Variants in ST6GALNAC3 observed in about 807,000 individuals in gnomAD.
ST6GALNAC3 encodes alpha-N-acetylgalactosaminide alpha-2,6-sialyltransferase 3.
In ST6GALNAC3, 25 loss-of-function variants were observed where a neutral mutation model predicts 32.7. The ratio of observed to expected loss-of-function variants is 0.76; its 90% CI spans 0.56 to 1.07. The LOEUF (loss-of-function observed/expected upper bound fraction) is 1.07. ST6GALNAC3 is among the 50% of genes least tolerant of loss of function. The pLI, the probability that ST6GALNAC3 is intolerant of heterozygous loss-of-function variation, is 0.00. For missense variants in ST6GALNAC3, 355 were observed against 382.4 expected, an observed-to-expected ratio of 0.93 and a Z score of 0.60; for synonymous variants, 129 against 133.1, an observed-to-expected ratio of 0.97 and a Z score of 0.21.
intron 3 of ST6GALNAC3, among the ~76,000 whole-genome samples, chr1:76,601,464 G>C (rs967045894): frequency 3.3e-5 from 5 of 151,968 alleles, no homozygotes; most frequent in African/African-American, 1.2e-4. Flanking sequence ...CATTAGCTCC[G>C]GAAGTAAAGG....
intron 2 of ST6GALNAC3, among the ~76,000 whole-genome samples, chr1:76,358,850 C>G (rs1649702594): frequency 2.0e-5 from 3 of 152,166 alleles, no homozygotes; most frequent in African/African-American, 7.2e-5. Context: ...AGAGGACAAA[C>G]TGCGTCTTCT....
At chr1:76,111,396 C>A (rs897335907) in intron 1 of ST6GALNAC3, among the ~76,000 whole-genome samples, 1 of 151,908 alleles carries the variant, frequency 6.6e-6, no homozygotes, top group South Asian at 2.1e-4. Context: ...CTAGATCTTC[C>A]AGGGCTGGTC....
At chr1:76,591,652 G>T (rs898022311) in intron 3 of ST6GALNAC3, among the ~76,000 whole-genome samples, 2 of 152,190 alleles carry the variant, frequency 1.3e-5, no homozygotes, top group Non-Finnish European at 2.9e-5. Flanking sequence ...GAGGGAAAGA[G>T]ATAAGAAGAC....
chr1:76,123,273 G>A (rs180700858), intron 1 of ST6GALNAC3, among the ~76,000 whole-genome samples: 2 of 152,036 alleles, frequency 1.3e-5, no homozygotes, highest in Non-Finnish European at 2.9e-5. Flanking sequence ...CAGCTACTCG[G>A]GAGGCTGAGA....
intron 3 of ST6GALNAC3, among the ~76,000 whole-genome samples, chr1:76,554,423 C>T (rs984528): frequency 0.26 from 39,980 of 151,994 alleles, 5,813 homozygotes; most frequent in African/African-American, 0.39. Context: ...AAAAAAACCC[C>T]TCAACCTGAA....
intron 3 of ST6GALNAC3, among the ~76,000 whole-genome samples, chr1:76,416,267 T>G (rs1017019318): frequency 2.0e-5 from 3 of 152,172 alleles, no homozygotes; most frequent in Non-Finnish European, 4.4e-5. Context: ...TTAAGTGGTA[T>G]ACATCACTGA....
intron 3 of ST6GALNAC3, among the ~76,000 whole-genome samples, chr1:76,579,872 C>T (rs1646867989): frequency 6.6e-6 from 1 of 151,996 alleles, no homozygotes; most frequent in South Asian, 2.1e-4. Flanking sequence ...ACACTATATG[C>T]TTTATCTCTT....
chr1:76,261,010 A>G (rs1256818780), intron 1 of ST6GALNAC3, among the ~76,000 whole-genome samples: 3 of 149,494 alleles, frequency 2.0e-5, no homozygotes, highest in South Asian at 4.2e-4. Flanking sequence ...ACACACACAC[A>G]CGCTGTGAAA....
chr1:76,636,870 A>G (rs557579087), downstream of ST6GALNAC3: 1 of 152,354 alleles, frequency 6.6e-6, no homozygotes, highest in South Asian at 2.1e-4. Flanking sequence ...GAATCTGCCA[A>G]TGTTTACCTT....
chr1:76,417,792 G>A (rs1654748291), intron 3 of ST6GALNAC3, among the ~76,000 whole-genome samples: 2 of 152,116 alleles, frequency 1.3e-5, no homozygotes, highest in African/African-American at 4.8e-5. Flanking sequence ...GCCCTAAATA[G>A]GTCTTAATTA....
chr1:76,203,176 T>C (rs1654628451), intron 1 of ST6GALNAC3, among the ~76,000 whole-genome samples: 1 of 152,116 alleles, frequency 6.6e-6, no homozygotes. Context: ...CTGGAGCATT[T>C]TAGAAAACTC....
At chr1:76,100,813 T>A (rs990580054) in intron 1 of ST6GALNAC3, among the ~76,000 whole-genome samples, 1 of 149,326 alleles carries the variant, frequency 6.7e-6, no homozygotes, top group Non-Finnish European at 1.5e-5. Flanking sequence ...TTTTTTTTTT[T>A]CCTTTGTGGG....
chr1:76,388,988 TGTGG>T (rs1322935887), intron 2 of ST6GALNAC3, among the ~76,000 whole-genome samples: 22 of 147,458 alleles, frequency 1.5e-4, no homozygotes, highest in Non-Finnish European at 2.4e-4. Context: ...GTTGGTATGG[TGTGG>T]TTGTTAGTTG....
intron 1 of ST6GALNAC3, among the ~76,000 whole-genome samples, chr1:76,185,154 C>T (rs1653473327): frequency 6.6e-6 from 1 of 152,182 alleles, no homozygotes; most frequent in Middle Eastern, 3.2e-3. Flanking sequence ...AGACCCGAGA[C>T]TCAAATCTAG....
At chr1:76,316,448 G>T (rs1241714291) in intron 2 of ST6GALNAC3, among the ~76,000 whole-genome samples, 1 of 152,088 alleles carries the variant, frequency 6.6e-6, no homozygotes, top group Non-Finnish European at 1.5e-5. Flanking sequence ...TACAGCAATG[G>T]CGATGAAGAA....
chr1:76,345,974 T>C (rs1357392867), intron 2 of ST6GALNAC3, among the ~76,000 whole-genome samples: 1 of 152,148 alleles, frequency 6.6e-6, no homozygotes, highest in Non-Finnish European at 1.5e-5. Context: ...CTTCCTTTGC[T>C]TCTTAAGCAA....
intron 3 of ST6GALNAC3, among the ~76,000 whole-genome samples, chr1:76,457,925 AC>A (rs1457017549): frequency 1.3e-5 from 2 of 151,098 alleles, no homozygotes; most frequent in Non-Finnish European, 3.0e-5. Flanking sequence ...AGCAAAAAAA[AC>A]TACCATCAGA....
rs1045214314 is a variant in ST6GALNAC3 at position 76,460,377 on chromosome 1, C to G, written c.623+47960C>G. On this transcript the variant is annotated intron_variant, in intron 3 of 4. Transcript: ENST00000328299. ...AAATCTATAGACAAAATAAAAGCTA[C>G]TTGTTGGCTGTTTTATTGGAAATCA... Among the ~76,000 whole-genome samples the G allele has an allele frequency of 4.6e-5, 7 of 152,162 alleles. No individual in the cohort carries two copies. In the South Asian group the frequency reaches 6.2e-4, roughly 14 times the overall value.
chr1:76,398,778 A>G (rs933287454), intron 2 of ST6GALNAC3, among the ~76,000 whole-genome samples: 1 of 152,196 alleles, frequency 6.6e-6, no homozygotes, highest in Non-Finnish European at 1.5e-5. Context: ...ATATACATTC[A>G]GGTATACAGT....
Sources: gnomAD v4.1 joint callset for allele counts (sites outside exome capture counted in the v4.1 genomes callset) on GRCh38, gnomAD v4.1.1 for gene constraint, MANE v1.5 for transcripts, NCBI Gene and HGNC (gene_info 2026-07-23, HGNC 2026-07-21) for gene names.